UCHL1: variants seen among roughly 807,000 people sequenced by gnomAD.
The protein encoded by UCHL1 is ubiquitin carboxyl-terminal hydrolase isozyme L1.
In UCHL1, 5 loss-of-function variants were observed where a neutral mutation model predicts 33.3. The ratio of observed to expected loss-of-function variants is 0.15; its 90% CI spans 0.08 to 0.32. UCHL1 has a LOEUF of 0.32. UCHL1 is among the 10% of genes least tolerant of loss of function. The probability of loss-of-function intolerance (pLI) is 1.00; values close to 1 mark genes in which losing one functional copy is unlikely to be tolerated. For missense variants in UCHL1, 236 were observed against 280.0 expected, an observed-to-expected ratio of 0.84 and a Z score of 1.12; for synonymous variants, 132 against 108.8, an observed-to-expected ratio of 1.21 and a Z score of -1.33.
intron 8 of UCHL1, 167 bp downstream of exon 8, chr4:41,264,328 A>T (rs906828603): frequency 6.5e-5 from 55 of 841,448 alleles, no homozygotes; most frequent in Admixed American, 3.5e-4. Context: ...ACCTTATTTT[A>T]TTGCAAGTGG....
At chr4:41,257,453 T>C in intron 2 of UCHL1, 156 bp from the exon 3 acceptor site, 1 of 1,098,898 alleles carries the variant, frequency 9.1e-7, no homozygotes, top group Non-Finnish European at 1.2e-6. Context: ...GCTGTGTCAT[T>C]GCGCCGGCCC....
chr4:41,263,391 T>C, intron 7 of UCHL1, 100 bp downstream of exon 7: 1 of 1,163,326 alleles, frequency 8.6e-7, no homozygotes, highest in East Asian at 2.3e-5. Flanking sequence ...ACTTGGCATA[T>C]CATTGTTTAT....
At chr4:41,257,463 C>A in intron 2 of UCHL1, 146 bp from the exon 3 acceptor site, 1 of 1,145,976 alleles carries the variant, frequency 8.7e-7, no homozygotes, top group Non-Finnish European at 1.1e-6. Context: ...TGCGCCGGCC[C>A]GGGTGGGGGT....
intron 3 of UCHL1, among the ~76,000 whole-genome samples, chr4:41,259,205 C>T (rs1323987517): frequency 6.6e-6 from 1 of 152,120 alleles, no homozygotes; most frequent in Non-Finnish European, 1.5e-5. Flanking sequence ...ACACTGAAGC[C>T]GATTGAAAGA....
rs1781004790 is a variant in UCHL1, at chr4:41,257,757, A to G, written c.174+20A>G. ...GCCCAGGTAGGGCGTGGGGCCCAGG[A>G]TGCGCCGGCCGCCGGCAGTGCACGC... On this transcript the variant is annotated intron_variant, in intron 3 of 8. Coordinates refer to ENST00000284440, the MANE Select transcript of UCHL1 (RefSeq NM_004181.5). The G allele has an allele frequency of 1.3e-6, 2 of 1,559,620 alleles. No individual in the cohort carries two copies. The highest frequency in any genetic ancestry group is 1.7e-6 in the Non-Finnish European group (2 of 1,158,526).
rs1219736576 is a variant in UCHL1, at chr4:41,264,146, G to A, written c.570G>A (p.Glu190=). The change falls in exon 8 of 9, where the codon GAG becomes GAA. Residue 190 remains glutamate (E), a synonymous_variant. Transcript: ENST00000284440. ...CGGTGAACCATGGCGCCAGTTCAGA[G>A]GACACCCTGCTGAAGGTCATCTTTG... is the stretch of plus-strand genomic sequence containing the variant. ...PFPVNHGASS[E]DTLLKDAAKV... 2 of 1,614,152 alleles carry A rather than the reference G, an allele frequency of 1.2e-6. No homozygotes were observed. Among genetic ancestry groups the A allele is most frequent in the Admixed American group, 1.7e-5 (1 of 60,014 alleles).
chr4:41,259,763 CAA>C (rs1422967380), intron 3 of UCHL1, among the ~76,000 whole-genome samples: 4 of 152,196 alleles, frequency 2.6e-5, no homozygotes, highest in Non-Finnish European at 5.9e-5. Flanking sequence ...CTTCTGAGCT[CAA>C]GTGATCCTCC....
chr4:41,257,464 G>T (rs1780997245), intron 2 of UCHL1, 145 bp from the exon 3 acceptor site: 7 of 1,153,166 alleles, frequency 6.1e-6, no homozygotes, highest in Non-Finnish European at 7.9e-6. Context: ...GCGCCGGCCC[G>T]GGTGGGGGTG....
intron 7 of UCHL1, 135 bp from the exon 8 acceptor site, chr4:41,263,968 G>A: frequency 9.0e-7 from 1 of 1,111,684 alleles, no homozygotes; most frequent in Non-Finnish European, 1.4e-6. Context: ...GCAGCCTCTT[G>A]CTTCATAACC....
intron 8 of UCHL1, among the ~76,000 whole-genome samples, chr4:41,266,227 T>A (rs4274888): frequency 3.9e-5 from 1 of 25,948 alleles, no homozygotes; most frequent in African/African-American, 7.6e-5. Flanking sequence ...TGGCTAAAAC[T>A]TTTTTTTTTT....
At chr4:41,265,587 AAAAAG>A (rs1781139217) in intron 8 of UCHL1, among the ~76,000 whole-genome samples, 3 of 152,158 alleles carry the variant, frequency 2.0e-5, no homozygotes, top group Non-Finnish European at 2.9e-5. Context: ...TCAGAAGAAA[AAAAAG>A]AAAAGTTAGT....
At chr4:41,263,191 C>T (rs762150123) in intron 6 of UCHL1, 34 bp from the exon 7 acceptor site, 21 of 1,531,112 alleles carry the variant, frequency 1.4e-5, no homozygotes, top group African/African-American at 5.5e-5. Flanking sequence ...ATACAGCTTA[C>T]ACTCATTTTC....
intron 6 of UCHL1, 111 bp downstream of exon 6, chr4:41,262,034 C>A: frequency 1.4e-6 from 2 of 1,423,832 alleles, no homozygotes; most frequent in Non-Finnish European, 1.9e-6. Flanking sequence ...CACCCAAGGC[C>A]AAATGACACC....
rs1278160622 is a variant in UCHL1 at position 41,260,712 on chromosome 4, C to T, written c.240C>T (p.Tyr80=). 1.2e-6 allele frequency: 2 copies of T among 1,614,198 alleles called. No individual in the cohort carries two copies. The highest frequency in any genetic ancestry group is 1.7e-6 in the Non-Finnish European group (2 of 1,180,030). ...GACAAGAAGTTAGTCCTAAAGTGTA[C>T]TTCATGAAGCAGACCATTGGGAATT... ...LKGQEVSPKV[Y]FMKQTIGNSC... The change falls in exon 4 of 9, where the codon TAC becomes TAT. Residue 80 remains tyrosine (Y), a synonymous_variant. Transcript: ENST00000284440.
Position 41,263,233 on chromosome 4 carries a change from C to T in UCHL1, c.468C>T (p.Asp156=). Residue 156 remains aspartate, a synonymous_variant, in exon 7 of 9, where the codon GAC becomes GAT. Coordinates refer to ENST00000284440, the MANE Select transcript of UCHL1 (RefSeq NM_004181.5). ...VAQEGQCRVD[D]KVNFHFILFN... ...TTCTTGACTTTCTTTAGGTAGATGA[C>T]AAGGTGAATTTCCATTTTATTCTGT... 2 of 1,613,838 alleles carry T rather than the reference C, an allele frequency of 1.2e-6. No homozygotes were observed. The highest frequency in any genetic ancestry group is 1.7e-6 in the Non-Finnish European group (2 of 1,179,790).
chr4:41,257,171 G>C, intron 2 of UCHL1, 45 bp downstream of exon 2: 1 of 1,611,116 alleles, frequency 6.2e-7, no homozygotes, highest in Non-Finnish European at 8.5e-7. Flanking sequence ...CCCCGCGAGC[G>C]CCGAGGCGGG....
intron 2 of UCHL1, 152 bp from the exon 3 acceptor site, chr4:41,257,457 C>A: frequency 8.9e-7 from 1 of 1,123,860 alleles, no homozygotes; most frequent in Non-Finnish European, 1.2e-6. Context: ...TGTCATTGCG[C>A]CGGCCCGGGT....
At chr4:41,265,749 T>G (rs115761342) in intron 8 of UCHL1, among the ~76,000 whole-genome samples, 248 of 152,302 alleles carry the variant, frequency 1.6e-3, no homozygotes, top group African/African-American at 5.7e-3. Context: ...GAAGGTTGAT[T>G]TCTCTCATCT....
intron 8 of UCHL1, chr4:41,264,448 G>A (rs1580927202): frequency 2.1e-6 from 1 of 487,382 alleles, no homozygotes; most frequent in South Asian, 2.1e-5. Context: ...GTGGGATTAA[G>A]GTGACCATTG....
Sources: gnomAD v4.1 joint callset for allele counts (sites outside exome capture counted in the v4.1 genomes callset) on GRCh38, gnomAD v4.1.1 for gene constraint, MANE v1.5 for transcripts, NCBI Gene and HGNC (gene_info 2026-07-23, HGNC 2026-07-21) for gene names.